FBH1: variants seen among roughly 807,000 people sequenced by gnomAD.
FBH1 encodes the protein F-box DNA helicase 1, also known as DNA 3'-5' helicase 1.
Under a neutral mutation model 115.5 loss-of-function variants are expected in FBH1, and 43 were observed. That is an observed-to-expected ratio of 0.37 (90% CI 0.29 to 0.48). The LOEUF is 0.48. Among genes scored for constraint, FBH1 ranks in the 20% least tolerant of loss-of-function variants. The pLI, the probability that FBH1 is intolerant of heterozygous loss-of-function variation, is 0.99. For missense variants in FBH1, 1,001 were observed against 1,337.3 expected (o/e 0.75, Z 3.92); for synonymous variants, 524 against 507.8 (o/e 1.03, Z -0.43).
At chr10:5,896,308 G>A (rs769350408) in intron 1 of FBH1, among the ~76,000 whole-genome samples, 3 of 152,150 alleles carry the variant, frequency 2.0e-5, no homozygotes, top group Non-Finnish European at 4.4e-5. Flanking sequence ...TTGAGGGGTG[G>A]TGGAGGGCTA....
intron 6 of FBH1, among the ~76,000 whole-genome samples, chr10:5,912,815 C>T (rs1325773937): frequency 4.6e-5 from 7 of 152,186 alleles, no homozygotes; most frequent in African/African-American, 7.2e-5. Context: ...ATTGGGGTAG[C>T]GCTTCAACAC....
At position 5,918,514 on chromosome 10, in the gene FBH1, C is replaced by G; in HGVS notation, c.2100+36C>G. ...ACTCTGCATGGGAGGCATTGCATCT[C>G]TCTCCCAATGTCTTACGTGCCAGGC... On this transcript the variant is annotated intron_variant, in intron 13 of 20. Coordinates refer to ENST00000362091, the MANE Select transcript of FBH1 (RefSeq NM_178150.3). The surrounding 1 kb of genome is among the most constrained non-coding windows in gnomAD (Gnocchi z 4.0). The G allele has an allele frequency of 6.6e-7, 1 of 1,525,590 alleles. No individual in the cohort carries two copies. Among genetic ancestry groups the G allele is most frequent in the Non-Finnish European group, 8.8e-7 (1 of 1,140,872 alleles). 94.5% of individuals were successfully genotyped at this position (1,525,590 alleles called of 1,614,324 possible).
At position 5,921,554 on chromosome 10, in the gene FBH1, G is replaced by GAT; in HGVS notation, c.2309_2310dup (p.His771TyrfsTer3). The GAT allele has an allele frequency of 6.3e-7, 1 of 1,594,568 alleles. No homozygotes were observed. Among genetic ancestry groups the GAT allele is most frequent in the Non-Finnish European group, 8.5e-7 (1 of 1,175,484 alleles). Reference sequence around the variant, plus strand: ...TGACGGAAGGGGAATTCCCTTCAAGGATACATTTGATTGGGGTAAGAGTAC... The same window carrying GAT: ...TGACGGAAGGGGAATTCCCTTCAAGGATATACATTTGATTGGGGTAAGAGTAC... On this transcript the variant is annotated frameshift_variant, in exon 15 of 21. Coordinates refer to ENST00000362091, the MANE Select transcript of FBH1 (RefSeq NM_178150.3). LOFTEE classifies it high-confidence loss of function. The surrounding 1 kb of genome is among the most constrained non-coding windows in gnomAD (Gnocchi z 6.4).
chr10:5,927,499 C>T lies in FBH1; in HGVS notation c.2787C>T (p.Leu929=). 1 of 1,613,564 alleles carries T rather than the reference C, an allele frequency of 6.2e-7. No homozygotes were observed. Among genetic ancestry groups the T allele is most frequent in the Non-Finnish European group, 8.5e-7 (1 of 1,179,894 alleles). The change falls in exon 19 of 21, where the codon CTC becomes CTT. Residue 929 remains leucine (L), a synonymous_variant. Transcript: ENST00000362091. ...YVAVTRAKKR[L]IMTKSLENIL... ...CAGTAACTCGAGCCAAGAAGCGTCT[C>T]ATCATGACCAAATCATTGGAAAACA...
intron 1 of FBH1, among the ~76,000 whole-genome samples, chr10:5,901,333 T>G (rs566422008): frequency 6.6e-6 from 1 of 152,174 alleles, no homozygotes; most frequent in South Asian, 2.1e-4. Context: ...ATTTTTTCTA[T>G]TTTTAATAGA....
intron 15 of FBH1, among the ~76,000 whole-genome samples, chr10:5,922,464 T>C (rs1832371297): frequency 2.6e-5 from 4 of 152,302 alleles, no homozygotes; most frequent in South Asian, 2.1e-4. Flanking sequence ...CTGGTAGATA[T>C]AACATAATTT....
intron 1 of FBH1, among the ~76,000 whole-genome samples, chr10:5,901,847 A>G (rs1245152316): frequency 6.6e-6 from 1 of 152,206 alleles, no homozygotes; most frequent in Non-Finnish European, 1.5e-5. Flanking sequence ...TACAGGCGTG[A>G]GCCACTGCAC....
Position 5,906,459 on chromosome 10 carries a change from G to A in FBH1, c.580G>A (p.Asp194Asn). 1 of 1,614,206 alleles carries A rather than the reference G, an allele frequency of 6.2e-7. No individual in the cohort carries two copies. Among genetic ancestry groups the A allele is most frequent in the Non-Finnish European group, 8.5e-7 (1 of 1,180,046 alleles). Residue 194 changes from aspartate (D) to asparagine (N), a missense_variant, in exon 3 of 21, where the codon GAC becomes AAC. Physicochemically the swap from Asp to Asn is conservative, Grantham distance 23 (BLOSUM62 1). Transcript: ENST00000362091. The surrounding 1 kb of genome is among the most constrained non-coding windows in gnomAD (Gnocchi z 7.3). ...AGDVGPDPIP[D>N]SYYGLLGTLP... is the part of the protein sequence containing the mutation. ...GGACGTGGGTCCTGATCCCATTCCT[G>A]ACTCATACTATGGGCTTCTTGGGAC...
At chr10:5,937,084 G>T in intron 20 of FBH1, 26 bp from the exon 21 acceptor site, 1 of 1,566,072 alleles carries the variant, frequency 6.4e-7, no homozygotes, top group Non-Finnish European at 8.7e-7. Flanking sequence ...GTTCCCCTTA[G>T]CTCTCTCTCT....
rs1589108401 is a variant in FBH1, at chr10:5,925,587, G to A, written c.2722+95G>A. On this transcript the variant is annotated intron_variant, in intron 18 of 20. Coordinates refer to ENST00000362091, the MANE Select transcript of FBH1 (RefSeq NM_178150.3). This position sits in a 1 kb window ranked among gnomAD's most constrained non-coding sequence, Gnocchi z 4.6. The stretch of plus-strand genomic sequence containing the variant: ...ACGGCCTTGTTGTTTGTTGGATGGT[G>A]TGGCCTCCTGGTAGGGCACTTCTGG... 13 of 1,536,600 alleles carry A rather than the reference G, an allele frequency of 8.5e-6. No individual in the cohort carries two copies. Among genetic ancestry groups the A allele is most frequent in the East Asian group, 2.3e-5 (1 of 43,782 alleles).
At position 5,932,643 on chromosome 10, in the gene FBH1, G is replaced by A. The variant is rs1833029944; in HGVS notation, c.2830-3813G>A. 6.6e-6 allele frequency among the ~76,000 whole-genome samples: 1 copy of A among 152,200 alleles called. No homozygotes were observed. Among genetic ancestry groups the A allele is most frequent in the South Asian group, 2.1e-4 (1 of 4,832 alleles). Reference sequence around the variant, plus strand: ...GCACAGGTCATTTCTGTTTTTGCCAGTGCATCTTCAGCATGCATTTCTAGA... The same window carrying A: ...GCACAGGTCATTTCTGTTTTTGCCAATGCATCTTCAGCATGCATTTCTAGA... On this transcript the variant is annotated intron_variant, in intron 19 of 20. Transcript: ENST00000362091. The surrounding 1 kb of genome is among the most constrained non-coding windows in gnomAD (Gnocchi z 5.9).
At position 5,931,471 on chromosome 10, in the gene FBH1, G is replaced by A. The variant is rs1832967487; in HGVS notation, c.2829+3930G>A. 6.6e-6 allele frequency among the ~76,000 whole-genome samples: 1 copy of A among 152,166 alleles called. No homozygotes were observed. Among genetic ancestry groups the A allele is most frequent in the Admixed American group, 6.5e-5 (1 of 15,278 alleles). On this transcript the variant is annotated intron_variant, in intron 19 of 20. Transcript: ENST00000362091. The surrounding 1 kb of genome is among the most constrained non-coding windows in gnomAD (Gnocchi z 4.3). ...CCATAATCTAATTCACATTTAACACGAAAGGAATTTTACTTCTTTTCTCAC... is the reference window on the plus strand; with the variant it reads ...CCATAATCTAATTCACATTTAACACAAAAGGAATTTTACTTCTTTTCTCAC...
intron 20 of FBH1, 21 bp from the exon 21 acceptor site, chr10:5,937,089 C>G: frequency 6.4e-7 from 1 of 1,571,596 alleles, no homozygotes; most frequent in Non-Finnish European, 8.6e-7. Context: ...CCTTAGCTCT[C>G]TCTCTTGTCC....
At chr10:5,889,613 G>C (rs1227833131), upstream of FBH1, 2 of 216,700 alleles carry the variant, frequency 9.2e-6, no homozygotes, top group African/African-American at 2.3e-5. Flanking sequence ...CGCGGTTCCG[G>C]GCACGGGGCG....
chr10:5,926,639 G>A (rs1349806092), intron 18 of FBH1, among the ~76,000 whole-genome samples: 1 of 152,228 alleles, frequency 6.6e-6, no homozygotes. Flanking sequence ...GGCAAACATA[G>A]ACCATGGTTT....
At chr10:5,908,900 TTTTG>T (rs745728582) in intron 3 of FBH1, 21 bp from the exon 4 acceptor site, 1 of 1,612,632 alleles carries the variant, frequency 6.2e-7, no homozygotes, top group African/African-American at 1.3e-5. Flanking sequence ...CCTCATGTTA[TTTTG>T]TTTGTTTTTT....
intron 1 of FBH1, among the ~76,000 whole-genome samples, chr10:5,898,627 C>T (rs1843148996): frequency 1.3e-5 from 2 of 152,118 alleles, no homozygotes; most frequent in South Asian, 4.1e-4. Context: ...CCAGGCTGGT[C>T]TTGAACTCTA....
Position 5,906,159 on chromosome 10 carries a change from A to T in FBH1, c.280A>T (p.Ile94Phe). The change falls in exon 3 of 21, where the codon ATC becomes TTC. Residue 94 changes from isoleucine to phenylalanine, a missense_variant. This residue lies in a region of FBH1 where 420 missense variants were observed against 430.4 expected (regional missense o/e 0.98). Transcript: ENST00000362091. The surrounding 1 kb of genome is among the most constrained non-coding windows in gnomAD (Gnocchi z 7.3). ...DSCQDSEGDM[I>F]FPAESSCALP... ...CTGTCAGGACTCTGAGGGTGACATGATCTTTCCTGCAGAGAGCAGCTGTGC... is the reference window on the plus strand; with the variant it reads ...CTGTCAGGACTCTGAGGGTGACATGTTCTTTCCTGCAGAGAGCAGCTGTGC... The T allele has an allele frequency of 5.0e-6, 8 of 1,614,176 alleles. No homozygotes were observed. Among genetic ancestry groups the T allele is most frequent in the Non-Finnish European group, 6.8e-6 (8 of 1,180,032 alleles).
At chr10:5,904,172 C>T (rs1843550937) in intron 2 of FBH1, among the ~76,000 whole-genome samples, 1 of 151,956 alleles carries the variant, frequency 6.6e-6, no homozygotes, top group South Asian at 2.1e-4. Flanking sequence ...CTGGGACTTA[C>T]AGGCGCGCGC....
Sources: gnomAD v4.1 joint callset for allele counts (sites outside exome capture counted in the v4.1 genomes callset) on GRCh38, gnomAD v4.1.1 for gene constraint, gnomAD v4.1.1 regional missense constraint, Gnocchi (gnomAD v3.1) non-coding constraint, MANE v1.5 for transcripts, NCBI Gene and HGNC (gene_info 2026-07-23, HGNC 2026-07-21) for gene names.